ELP4: variants seen among roughly 807,000 people sequenced by gnomAD.
ELP4 encodes the protein elongator complex protein 4.
A neutral mutation model predicts 48.9 loss-of-function variants in ELP4; 51 were observed. The ratio of observed to expected loss-of-function variants is 1.04; its 90% CI spans 0.83 to 1.32. ELP4 has a LOEUF of 1.32. Ranked by LOEUF, ELP4 falls within the 40% of genes most tolerant of loss-of-function variation. ELP4 has a pLI of 0.00. For missense variants in ELP4, 519 were observed against 514.6 expected (o/e 1.01, Z -0.08); for synonymous variants, 210 against 189.2 (o/e 1.11, Z -0.90).
At chr11:31,627,673 T>A (rs1228447711) in intron 6 of ELP4, among the ~76,000 whole-genome samples, 1 of 152,064 alleles carries the variant, frequency 6.6e-6, no homozygotes, top group Non-Finnish European at 1.5e-5. Context: ...TAACAACGAT[T>A]TCTCTGTAGC....
intron 5 of ELP4, among the ~76,000 whole-genome samples, chr11:31,616,675 C>T (rs548563107): frequency 4.6e-4 from 70 of 152,070 alleles, no homozygotes; most frequent in Non-Finnish European, 8.4e-4. Flanking sequence ...TTATATATCT[C>T]ATAAGAGGCC....
chr11:31,597,723 C>G (rs1021671194), intron 4 of ELP4, among the ~76,000 whole-genome samples: 12 of 151,602 alleles, frequency 7.9e-5, no homozygotes, highest in African/African-American at 2.7e-4. Flanking sequence ...AGTTGCCCAC[C>G]ACCACGCCAG....
chr11:31,569,304 A>G (rs1957159250), intron 3 of ELP4, among the ~76,000 whole-genome samples: 1 of 152,158 alleles, frequency 6.6e-6, no homozygotes, highest in Admixed American at 6.5e-5. Flanking sequence ...CAATGGGATA[A>G]ACTAACAATC....
chr11:31,617,575 A>G (rs1022411505), intron 5 of ELP4, among the ~76,000 whole-genome samples: 4 of 152,040 alleles, frequency 2.6e-5, no homozygotes, highest in African/African-American at 9.7e-5. Context: ...TTTATGTTAT[A>G]TGGGTTTTTT....
intron 3 of ELP4, among the ~76,000 whole-genome samples, chr11:31,540,878 A>G (rs1458164622): frequency 1.3e-5 from 2 of 152,200 alleles, no homozygotes; most frequent in African/African-American, 4.8e-5. Flanking sequence ...AGAATGCCAC[A>G]AATGATTCTC....
At chr11:31,510,118 G>A (rs1955957785) in intron 1 of ELP4, 111 bp downstream of exon 1, 2 of 988,276 alleles carry the variant, frequency 2.0e-6, no homozygotes, top group East Asian at 2.6e-5. Context: ...ACCTTCGGAG[G>A]AGGAGAGAAT....
intron 9 of ELP4, among the ~76,000 whole-genome samples, chr11:31,661,300 A>C (rs1945549822): frequency 6.6e-6 from 1 of 152,080 alleles, no homozygotes; most frequent in Non-Finnish European, 1.5e-5. Flanking sequence ...TGTAGGACTG[A>C]TTGGTGTATA....
At chr11:31,533,928 C>T (rs1226309450) in intron 2 of ELP4, among the ~76,000 whole-genome samples, 2 of 152,004 alleles carry the variant, frequency 1.3e-5, no homozygotes, top group Non-Finnish European at 2.9e-5. Context: ...CTCCTCCTCC[C>T]GGGTTCACGC....
chr11:31,576,966 A>G (rs1957293833), intron 3 of ELP4, among the ~76,000 whole-genome samples: 1 of 152,190 alleles, frequency 6.6e-6, no homozygotes, highest in Non-Finnish European at 1.5e-5. Context: ...GGAGATGGAG[A>G]CACAAAAAAA....
At chr11:31,706,108 A>G (rs547883671) in intron 9 of ELP4, among the ~76,000 whole-genome samples, 4 of 152,060 alleles carry the variant, frequency 2.6e-5, no homozygotes, top group South Asian at 4.1e-4. Context: ...TGTATGTTGT[A>G]TTTTTTTACT....
chr11:31,742,077 G>A (rs908858923), intron 9 of ELP4, among the ~76,000 whole-genome samples: 4 of 152,170 alleles, frequency 2.6e-5, no homozygotes, highest in Non-Finnish European at 4.4e-5. Flanking sequence ...GAAAACCAAG[G>A]CACAAGAGCT....
intron 9 of ELP4, among the ~76,000 whole-genome samples, chr11:31,686,966 CT>C (rs1392603917): frequency 1.3e-5 from 2 of 151,894 alleles, no homozygotes; most frequent in Non-Finnish European, 2.9e-5. Context: ...AGTTAGGAAA[CT>C]GTTGCAGAGG....
intron 9 of ELP4, among the ~76,000 whole-genome samples, chr11:31,741,029 T>C (rs1947433635): frequency 6.6e-6 from 1 of 151,910 alleles, no homozygotes; most frequent in African/African-American, 2.4e-5. Context: ...GAAAATCGGG[T>C]CACTCCCACC....
intron 1 of ELP4, chr11:31,510,468 C>A (rs1009642320): frequency 4.9e-6 from 2 of 410,010 alleles, no homozygotes; most frequent in African/African-American, 2.0e-5. Context: ...CCTCTTTGAC[C>A]GTCAGACTGC....
At chr11:31,600,849 T>C (rs1957768097) in intron 4 of ELP4, among the ~76,000 whole-genome samples, 1 of 152,156 alleles carries the variant, frequency 6.6e-6, no homozygotes, top group African/African-American at 2.4e-5. Flanking sequence ...TCTTTGAAAG[T>C]TTTGTTTCTT....
intron 3 of ELP4, among the ~76,000 whole-genome samples, chr11:31,580,361 C>G (rs1957368134): frequency 6.6e-6 from 1 of 152,122 alleles, no homozygotes; most frequent in Non-Finnish European, 1.5e-5. Flanking sequence ...TCTAAAGGAT[C>G]TAATATTAGT....
Position 31,790,097 on chromosome 11 carries a change from C to CAA in ELP4, c.*6595_*6596dup, listed in dbSNP as rs1171009926. ...CATGGAATACAAATTTATAGGTTTACAAAAAAAAAAAAAAAAAAAAAAACT... is the reference window on the plus strand; with the variant it reads ...CATGGAATACAAATTTATAGGTTTACAAAAAAAAAAAAAAAAAAAAAAAAACT... On this transcript the variant is annotated 3_prime_UTR_variant, in exon 10 of 10. Transcript: ENST00000640961. 0.19 allele frequency: 27,911 copies of CAA among 144,762 alleles called. 6,971 individuals are homozygous for CAA. The highest frequency in any genetic ancestry group is 0.28 in the African/African-American group (5,811 of 20,790). 9.0% of individuals were successfully genotyped at this position (144,762 alleles called of 1,614,324 possible).
At chr11:31,567,411 G>C (rs983282042) in intron 3 of ELP4, among the ~76,000 whole-genome samples, 2 of 152,050 alleles carry the variant, frequency 1.3e-5, no homozygotes, top group Admixed American at 6.6e-5. Flanking sequence ...TGGATTTTTG[G>C]CTGAAACATT....
chr11:31,693,752 G>A (rs952764234), intron 9 of ELP4, among the ~76,000 whole-genome samples: 7 of 152,272 alleles, frequency 4.6e-5, no homozygotes, highest in African/African-American at 1.7e-4. Context: ...CTTCCACAAT[G>A]GTTGAACTAG....
Sources: allele counts gnomAD v4.1 joint callset (sites outside exome capture counted in the v4.1 genomes callset), GRCh38; gene constraint gnomAD v4.1.1; transcripts MANE v1.5; gene names NCBI Gene and HGNC (gene_info 2026-07-23, HGNC 2026-07-21).